Variants in SRGAP1 observed in about 807,000 individuals in gnomAD.
SRGAP1 encodes SLIT-ROBO Rho GTPase-activating protein 1.
A neutral mutation model predicts 121.9 loss-of-function variants in SRGAP1; 43 were observed. That is an observed-to-expected ratio of 0.35 (90% CI 0.28 to 0.46). The LOEUF (loss-of-function observed/expected upper bound fraction) is 0.46. Among genes scored for constraint, SRGAP1 ranks in the 20% least tolerant of loss-of-function variants. The pLI, the probability that SRGAP1 is intolerant of heterozygous loss-of-function variation, is 1.00. For missense variants in SRGAP1, 1,102 were observed against 1,350.9 expected, an observed-to-expected ratio of 0.82 and a Z score of 2.89; for synonymous variants, 447 against 485.4, an observed-to-expected ratio of 0.92 and a Z score of 1.04.
rs2037118696 is a variant in SRGAP1, at chr12:64,151,394, G to A, written c.*8722G>A. ...TATTTAACCATTTTCCTGTCACTGA[G>A]TGAGCCTGTTTGAAGGTTTTGTTTT... is the stretch of plus-strand genomic sequence containing the variant. On this transcript the variant is annotated 3_prime_UTR_variant, in exon 22 of 22. Transcript: ENST00000355086. The A allele has an allele frequency of 6.6e-6, 1 of 151,884 alleles. No homozygotes were observed. The highest frequency in any genetic ancestry group is 6.6e-5 in the Admixed American group (1 of 15,256). 9.4% of individuals were successfully genotyped at this position (151,884 alleles called of 1,614,324 possible).
intron 18 of SRGAP1, among the ~76,000 whole-genome samples, chr12:64,125,404 G>T (rs1354240528): frequency 6.6e-6 from 1 of 152,208 alleles, no homozygotes; most frequent in Non-Finnish European, 1.5e-5. Context: ...ATTACCGTCA[G>T]TGTTAGTTTG....
rs891365927 is a variant in SRGAP1, at chr12:63,847,308, G to A, written c.67+2425G>A. Reference sequence around the variant, plus strand: ...ACTGCACTCCAGTCTGGGTGACAGAGTGAGACTCTGTCTAATAAATAAATA... The same window carrying A: ...ACTGCACTCCAGTCTGGGTGACAGAATGAGACTCTGTCTAATAAATAAATA... On this transcript the variant is annotated intron_variant, in intron 1 of 21. Transcript: ENST00000355086. 2.6e-5 allele frequency among the ~76,000 whole-genome samples: 4 copies of A among 152,244 alleles called. No homozygotes were observed. The South Asian group carries it at 8.3e-4, about 32-fold the overall frequency.
chr12:63,929,676 C>A (rs536541358), intron 1 of SRGAP1, among the ~76,000 whole-genome samples: 1 of 151,440 alleles, frequency 6.6e-6, no homozygotes, highest in African/African-American at 2.4e-5. Flanking sequence ...GTGTAACAGG[C>A]GAACTGTATT....
intron 15 of SRGAP1, among the ~76,000 whole-genome samples, chr12:64,104,134 T>G (rs1160735603): frequency 6.6e-6 from 1 of 152,224 alleles, no homozygotes; most frequent in African/African-American, 2.4e-5. Flanking sequence ...GAACCAGTAT[T>G]TTCAGAGTGA....
chr12:64,060,213 T>C (rs1009904260), intron 6 of SRGAP1, among the ~76,000 whole-genome samples: 6 of 149,630 alleles, frequency 4.0e-5, no homozygotes, highest in Admixed American at 2.7e-4. Flanking sequence ...TTCTTTTTTT[T>C]TTTTTTCCTT....
chr12:64,123,676 AT>A (rs1203348150), intron 18 of SRGAP1, among the ~76,000 whole-genome samples: 3,045 of 150,466 alleles, frequency 0.02, 126 homozygotes, highest in African/African-American at 0.071. Context: ...TTATTTATTT[AT>A]TTATTTATTT....
chr12:64,052,100 T>C (rs1387778976), intron 6 of SRGAP1, among the ~76,000 whole-genome samples: 1 of 152,196 alleles, frequency 6.6e-6, no homozygotes, highest in Non-Finnish European at 1.5e-5. Context: ...TAACCAAGTA[T>C]CTATTCTTTT....
chr12:63,868,694 C>T (rs1338898660), intron 1 of SRGAP1, among the ~76,000 whole-genome samples: 1 of 152,040 alleles, frequency 6.6e-6, no homozygotes, highest in Non-Finnish European at 1.5e-5. Flanking sequence ...ATGGGGGAGT[C>T]CTATTTTAAT....
At chr12:64,055,946 A>C (rs922262926) in intron 6 of SRGAP1, among the ~76,000 whole-genome samples, 3 of 152,068 alleles carry the variant, frequency 2.0e-5, no homozygotes, top group African/African-American at 7.2e-5. Context: ...TTGTACATCA[A>C]CTCACTACTG....
rs187420223 is a variant in SRGAP1 at position 63,968,738 on chromosome 12, C to T, written c.68-15209C>T. Among the ~76,000 whole-genome samples, 302 of 152,284 alleles carry T rather than the reference C, an allele frequency of 2.0e-3. 4 individuals carry two copies. The highest frequency in any genetic ancestry group is 0.017 in the Admixed American group (267 of 15,298). ...AATCCTGGCCAGTCAACTCTGTAAC[C>T]AGAGGGAAGAAGAAAAAATGTATTC... On this transcript the variant is annotated intron_variant, in intron 1 of 21. Coordinates refer to ENST00000355086, the MANE Select transcript of SRGAP1 (RefSeq NM_020762.4).
intron 1 of SRGAP1, among the ~76,000 whole-genome samples, chr12:63,952,748 T>C (rs1386599344): frequency 6.6e-6 from 1 of 152,120 alleles, no homozygotes; most frequent in Non-Finnish European, 1.5e-5. Flanking sequence ...AGGTGCTGAA[T>C]AAACCTAAAC....
At chr12:63,969,503 T>G (rs964614109) in intron 1 of SRGAP1, among the ~76,000 whole-genome samples, 1 of 152,148 alleles carries the variant, frequency 6.6e-6, no homozygotes, top group Non-Finnish European at 1.5e-5. Flanking sequence ...TTTAAAAATC[T>G]GAAACATCGG....
At chr12:64,065,059 G>A (rs758515870) in intron 7 of SRGAP1, 59 bp from the exon 8 acceptor site, 267 of 1,255,972 alleles carry the variant, frequency 2.1e-4, no homozygotes, top group Non-Finnish European at 2.7e-4. Flanking sequence ...TAACAGAGCC[G>A]TGCTTCTGGA....
chr12:64,142,921 A>C lies in SRGAP1; in HGVS notation c.*249A>C. ...TAGAAACACTTAGACTTACTTGAAA[A>C]TCCAATGCTGCACCACTTGTAATGA... On this transcript the variant is annotated 3_prime_UTR_variant, in exon 22 of 22. Transcript: ENST00000355086. 1 of 490,198 alleles carries C rather than the reference A, an allele frequency of 2.0e-6. No individual in the cohort carries two copies. Among genetic ancestry groups the C allele is most frequent in the South Asian group, 2.5e-5 (1 of 40,714 alleles). 30.4% of individuals were successfully genotyped at this position (490,198 alleles called of 1,614,324 possible).
At position 64,136,789 on chromosome 12, in the gene SRGAP1, C is replaced by T. The variant is rs577605841; in HGVS notation, c.2881-5506C>T. On this transcript the variant is annotated intron_variant, in intron 21 of 21. Transcript: ENST00000355086. ...CCCTTTGAGGCATACTTACAACCAG[C>T]AATATTTTACTATAGCTGAATTTAA... Among the ~76,000 whole-genome samples, 14 of 152,230 alleles carry T rather than the reference C, an allele frequency of 9.2e-5. No homozygotes were observed. The South Asian group carries it at 2.9e-3, about 32-fold the overall frequency.
intron 1 of SRGAP1, among the ~76,000 whole-genome samples, chr12:63,862,058 T>C (rs912653766): frequency 3.3e-5 from 5 of 152,062 alleles, no homozygotes; most frequent in African/African-American, 1.2e-4. Context: ...GAGGAGGAGG[T>C]TGCAGTGAGC....
At chr12:64,020,867 A>G (rs1485623087) in intron 4 of SRGAP1, among the ~76,000 whole-genome samples, 1 of 151,468 alleles carries the variant, frequency 6.6e-6, no homozygotes, top group African/African-American at 2.4e-5. Context: ...AAAAAAGAAA[A>G]GAAAGATGAT....
At chr12:64,057,106 G>A (rs185762241) in intron 6 of SRGAP1, among the ~76,000 whole-genome samples, 2 of 152,262 alleles carry the variant, frequency 1.3e-5, no homozygotes, top group Admixed American at 6.5e-5. Flanking sequence ...GGTGGGTGAT[G>A]TGTTAGGCAG....
intron 15 of SRGAP1, among the ~76,000 whole-genome samples, chr12:64,098,663 CTG>C (rs2036205669): frequency 6.7e-6 from 1 of 149,258 alleles, no homozygotes; most frequent in African/African-American, 2.5e-5. Flanking sequence ...GAGCAAGACT[CTG>C]TCTCAAAAAA....
Sources: gnomAD v4.1 joint callset for allele counts (sites outside exome capture counted in the v4.1 genomes callset) on GRCh38, gnomAD v4.1.1 for gene constraint, MANE v1.5 for transcripts, NCBI Gene and HGNC (gene_info 2026-07-23, HGNC 2026-07-21) for gene names.